The following ACYP2 variants were observed in gnomAD, a reference collection of about 807,000 sequenced individuals.
ACYP2 encodes acylphosphatase-2.
ACYP2 carries 12 observed loss-of-function variants against 11.2 expected under a neutral mutation model. That is an observed-to-expected ratio of 1.08 (90% CI 0.69 to 1.74). The LOEUF is 1.74. Among genes scored for constraint, ACYP2 ranks in the 40% most tolerant of loss-of-function variants. The pLI, the probability that ACYP2 is intolerant of heterozygous loss-of-function variation, is 0.00. For missense variants in ACYP2, 134 were observed against 101.9 expected, an observed-to-expected ratio of 1.31 and a Z score of -1.35; for synonymous variants, 43 against 32.2, an observed-to-expected ratio of 1.33 and a Z score of -1.13.
intron 6 of ACYP2, among the ~76,000 whole-genome samples, chr2:54,271,737 C>CT (rs1688315000): frequency 6.6e-6 from 1 of 151,994 alleles, no homozygotes; most frequent in African/African-American, 2.4e-5. Context: ...CCCCTCCACC[C>CT]TTTTTTGTGG....
At chr2:54,115,938 C>A (rs1313747707) in intron 4 of ACYP2, among the ~76,000 whole-genome samples, 182 bp downstream of exon 1, 1 of 151,084 alleles carries the variant, frequency 6.6e-6, no homozygotes, top group African/African-American at 2.5e-5. Flanking sequence ...AGGACTTGGA[C>A]GGGCGGAAGT....
chr2:54,256,209 A>G, intron 6 of ACYP2: 1 of 1,532,214 alleles, frequency 6.5e-7, no homozygotes, highest in Non-Finnish European at 8.8e-7. Flanking sequence ...GGTAGCGTCA[A>G]CGTTCCTCAC....
intron 6 of ACYP2, among the ~76,000 whole-genome samples, chr2:54,237,859 G>A (rs1008386398): frequency 6.6e-6 from 1 of 151,916 alleles, no homozygotes; most frequent in Admixed American, 6.6e-5. Flanking sequence ...CCTCTCTTCT[G>A]GATACCTTCT....
At chr2:54,085,861 G>C (rs1677918614) in intron 4 of ACYP2, among the ~76,000 whole-genome samples, 1 of 151,912 alleles carries the variant, frequency 6.6e-6, no homozygotes, top group South Asian at 2.1e-4. Flanking sequence ...AAAATAAAAT[G>C]TTGGGAAAAA....
intron 6 of ACYP2, among the ~76,000 whole-genome samples, chr2:54,179,492 A>C (rs1301069281): frequency 6.6e-6 from 1 of 152,178 alleles, no homozygotes; most frequent in Non-Finnish European, 1.5e-5. Flanking sequence ...AAGAATGGCT[A>C]CTTCAGAGAT....
intron 6 of ACYP2, among the ~76,000 whole-genome samples, chr2:54,192,518 T>C (rs975043550): frequency 5.3e-5 from 8 of 152,228 alleles, no homozygotes; most frequent in Non-Finnish European, 1.0e-4. Flanking sequence ...TCCAGTTTTA[T>C]TGATATAAGT....
At chr2:54,145,363 T>G (rs1681834605) in intron 6 of ACYP2, among the ~76,000 whole-genome samples, 1 of 152,210 alleles carries the variant, frequency 6.6e-6, no homozygotes, top group African/African-American at 2.4e-5. Flanking sequence ...AGTGCTTGAA[T>G]GAAGGAACTG....
chr2:54,101,539 C>T (rs779526483), intron 4 of ACYP2, among the ~76,000 whole-genome samples: 9 of 151,884 alleles, frequency 5.9e-5, no homozygotes, highest in Non-Finnish European at 1.2e-4. Context: ...TATGGTGGAG[C>T]GCGCCTGTAA....
chr2:54,224,776 C>A (rs559407870), intron 6 of ACYP2, among the ~76,000 whole-genome samples: 26 of 152,322 alleles, frequency 1.7e-4, no homozygotes, highest in Admixed American at 2.6e-4. Context: ...TCCTAAACTT[C>A]TTATTCGTTA....
At chr2:54,243,125 G>T (rs558935902) in intron 6 of ACYP2, among the ~76,000 whole-genome samples, 2 of 152,118 alleles carry the variant, frequency 1.3e-5, no homozygotes, top group Admixed American at 1.3e-4. Context: ...GACATTTTTC[G>T]TTTGAAAAAT....
intron 2 of ACYP2, among the ~76,000 whole-genome samples, chr2:54,026,298 G>A (rs138542520): frequency 4.7e-4 from 72 of 152,014 alleles, no homozygotes; most frequent in Non-Finnish European, 8.8e-4. Flanking sequence ...ATATATAAAC[G>A]GCCAACAAAC....
chr2:54,180,587 C>T (rs765480610), intron 6 of ACYP2, among the ~76,000 whole-genome samples: 5 of 152,162 alleles, frequency 3.3e-5, no homozygotes, highest in Non-Finnish European at 7.3e-5. Context: ...CAGAGTCTTG[C>T]TGTGTCGCCC....
intron 6 of ACYP2, chr2:54,255,460 C>T: frequency 6.2e-7 from 1 of 1,613,948 alleles, no homozygotes. Context: ...ATGAATCTGC[C>T]CAAACCTGCG....
At chr2:54,187,755 A>C (rs1169880462) in intron 6 of ACYP2, among the ~76,000 whole-genome samples, 1 of 152,146 alleles carries the variant, frequency 6.6e-6, no homozygotes, top group Non-Finnish European at 1.5e-5. Flanking sequence ...TATCAGCATA[A>C]GCCAAGCTCT....
chr2:54,213,404 C>T (rs1018109212), intron 6 of ACYP2, among the ~76,000 whole-genome samples: 12 of 152,010 alleles, frequency 7.9e-5, no homozygotes, highest in African/African-American at 1.4e-4. Context: ...TAAACATATA[C>T]GTGCACGTGT....
At chr2:53,994,444 A>C (rs1490952902) in intron 2 of ACYP2, among the ~76,000 whole-genome samples, 1 of 148,480 alleles carries the variant, frequency 6.7e-6, no homozygotes, top group Non-Finnish European at 1.5e-5. Flanking sequence ...ACTTGAACCC[A>C]GGAGGTGGAG....
chr2:54,130,192 G>A (rs1572824250), intron 4 of ACYP2, among the ~76,000 whole-genome samples: 1 of 152,124 alleles, frequency 6.6e-6, no homozygotes, highest in Admixed American at 6.6e-5. Context: ...AAATTTGTTG[G>A]GGAATATTTC....
chr2:54,095,486 C>T (rs1394855492), intron 4 of ACYP2, among the ~76,000 whole-genome samples: 12 of 151,148 alleles, frequency 7.9e-5, no homozygotes, highest in African/African-American at 7.3e-5. Flanking sequence ...CCTCACCTCC[C>T]GGACGGGGCG....
intron 4 of ACYP2, among the ~76,000 whole-genome samples, chr2:54,114,336 A>G (rs1404251414): frequency 1.3e-5 from 2 of 148,484 alleles, no homozygotes; most frequent in African/African-American, 2.5e-5. Context: ...TTCAGCCTTA[A>G]CCTTCTAGGC....
Sources: allele counts gnomAD v4.1 joint callset (sites outside exome capture counted in the v4.1 genomes callset), GRCh38; gene constraint gnomAD v4.1.1; transcripts MANE v1.5; gene names NCBI Gene and HGNC (gene_info 2026-07-23, HGNC 2026-07-21).